The following ITGAV variants were observed in gnomAD, a reference collection of about 807,000 sequenced individuals.
The protein encoded by ITGAV is integrin alpha-V.
A neutral mutation model predicts 143.8 loss-of-function variants in ITGAV; 76 were observed. The ratio of observed to expected loss-of-function variants is 0.53; its 90% CI spans 0.44 to 0.64. The LOEUF (loss-of-function observed/expected upper bound fraction) is 0.64, where lower values mean the gene tolerates loss of function less well. ITGAV is among the 30% of genes least tolerant of loss of function. The pLI is 0.00. For synonymous variants in ITGAV, 453 were observed against 446.7 expected (o/e 1.01, Z -0.18); for missense variants, 1,193 against 1,274.7 (o/e 0.94, Z 0.98).
At chr2:186,645,735 A>G (rs896757419) in intron 12 of ITGAV, among the ~76,000 whole-genome samples, 2 of 152,104 alleles carry the variant, frequency 1.3e-5, no homozygotes, top group Non-Finnish European at 2.9e-5. Flanking sequence ...TGGGAGGCCG[A>G]GGTGTGTGGA....
At position 186,679,710 on chromosome 2, in the gene ITGAV, T is replaced by C. The variant is rs201407854; in HGVS notation, c.*2418T>C. ...TTGGTAAGAAATATTGATACTGATA[T>C]TGATTTTTATATAGGTATTTATTTC... On this transcript the variant is annotated 3_prime_UTR_variant, in exon 30 of 30. Coordinates refer to ENST00000261023, the MANE Select transcript of ITGAV (RefSeq NM_002210.5). 49 of 152,020 alleles carry C rather than the reference T, an allele frequency of 3.2e-4. No homozygotes were observed. Among genetic ancestry groups the C allele is most frequent in the African/African-American group, 1.1e-3 (46 of 41,448 alleles). 9.4% of individuals were successfully genotyped at this position (152,020 alleles called of 1,614,324 possible).
In ITGAV at chr2:186,590,100, A is replaced by C; in HGVS notation, c.-239A>C. The C allele has an allele frequency of 2.5e-6, 1 of 400,044 alleles. No individual in the cohort carries two copies. 24.8% of individuals were successfully genotyped at this position (400,044 alleles called of 1,614,324 possible). ...TGCGTGGAGCGGCGGAGCCGGAGGGAAGCAAAGGACCGTCTGCGCTGCTGT... is the reference window on the plus strand; with the variant it reads ...TGCGTGGAGCGGCGGAGCCGGAGGGCAGCAAAGGACCGTCTGCGCTGCTGT... On this transcript the variant is annotated 5_prime_UTR_variant, in exon 1 of 30. Coordinates refer to ENST00000261023, the MANE Select transcript of ITGAV (RefSeq NM_002210.5).
At chr2:186,592,325 G>A (rs1359845384) in intron 1 of ITGAV, among the ~76,000 whole-genome samples, 1 of 152,166 alleles carries the variant, frequency 6.6e-6, no homozygotes, top group Non-Finnish European at 1.5e-5. Context: ...TGTAATCCTC[G>A]CTCTGCGGGA....
chr2:186,597,854 A>G (rs4233788), intron 1 of ITGAV, among the ~76,000 whole-genome samples: 114,939 of 152,024 alleles, frequency 0.76, 43,474 homozygotes, highest in East Asian at 0.85. Flanking sequence ...AGAACCTAAT[A>G]CCTGGTGATC....
At chr2:186,641,105 A>G (rs961291932) in intron 11 of ITGAV, 138 bp downstream of exon 11, 2 of 743,024 alleles carry the variant, frequency 2.7e-6, no homozygotes, top group Non-Finnish European at 4.4e-6. Flanking sequence ...ATTTGAAGCA[A>G]CCTTAATCAT....
chr2:186,627,414 A>T (rs1157742954), intron 4 of ITGAV, among the ~76,000 whole-genome samples: 1 of 152,194 alleles, frequency 6.6e-6, no homozygotes, highest in Non-Finnish European at 1.5e-5. Flanking sequence ...CAGCTTTTCT[A>T]CAAAGAATAC....
rs1265271053 is a variant in ITGAV at position 186,677,557 on chromosome 2, GAC to G, written c.*267_*268del. The G allele has an allele frequency of 1.4e-5, 4 of 290,846 alleles. No individual in the cohort carries two copies. Among genetic ancestry groups the G allele is most frequent in the Non-Finnish European group, 6.5e-6 (1 of 154,166 alleles). 18.0% of individuals were successfully genotyped at this position (290,846 alleles called of 1,614,324 possible). Reference sequence around the variant, plus strand: ...GATAGTTTTTATTCAATGTATATAAGACAGGTAGTGCCTGATTTACTACTTTA... The same window carrying G: ...GATAGTTTTTATTCAATGTATATAAGAGGTAGTGCCTGATTTACTACTTTA... On this transcript the variant is annotated 3_prime_UTR_variant, in exon 30 of 30. Transcript: ENST00000261023.
At chr2:186,639,680 T>C (rs778009255) in intron 10 of ITGAV, among the ~76,000 whole-genome samples, 55 of 152,170 alleles carry the variant, frequency 3.6e-4, no homozygotes, top group Admixed American at 5.9e-4. Context: ...TGTTATTGCA[T>C]TGGATAAGGT....
chr2:186,672,045 G>T (rs2682871), intron 26 of ITGAV, among the ~76,000 whole-genome samples: 1 of 146,988 alleles, frequency 6.8e-6, no homozygotes, highest in Non-Finnish European at 1.5e-5. Context: ...TCCACCTCCC[G>T]GGTTCACGCC....
chr2:186,625,383 A>C, intron 3 of ITGAV, 90 bp from the exon 4 acceptor site: 1 of 741,146 alleles, frequency 1.3e-6, no homozygotes, highest in Non-Finnish European at 2.3e-6. Flanking sequence ...AAAAAGAGAA[A>C]GTGGTATTAT....
chr2:186,596,510 C>T (rs1022660725), intron 1 of ITGAV, among the ~76,000 whole-genome samples: 3 of 148,954 alleles, frequency 2.0e-5, no homozygotes, highest in Non-Finnish European at 4.4e-5. Context: ...AGTGCAGTGG[C>T]ACAATCTTGG....
At position 186,679,279 on chromosome 2, in the gene ITGAV, A is replaced by T. The variant is rs200160935; in HGVS notation, c.*1987A>T. 8 of 151,984 alleles carry T rather than the reference A, an allele frequency of 5.3e-5. No individual in the cohort carries two copies. Among genetic ancestry groups the T allele is most frequent in the African/African-American group, 1.9e-4 (8 of 41,448 alleles). The allele number at this position is 151,984 out of a possible 1,614,324, so 9.4% of individuals were successfully genotyped here. ...AAGTGTTAGAATTTGCTTTTGTGCCATCTATTCCTTTTATGGCATCTATCT... is the reference window on the plus strand; with the variant it reads ...AAGTGTTAGAATTTGCTTTTGTGCCTTCTATTCCTTTTATGGCATCTATCT... On this transcript the variant is annotated 3_prime_UTR_variant, in exon 30 of 30. Coordinates refer to ENST00000261023, the MANE Select transcript of ITGAV (RefSeq NM_002210.5).
intron 10 of ITGAV, among the ~76,000 whole-genome samples, chr2:186,640,612 G>A (rs1559054473): frequency 6.6e-6 from 1 of 152,096 alleles, no homozygotes; most frequent in African/African-American, 2.4e-5. Flanking sequence ...AGTAGGGTAG[G>A]CCTGAGAAGG....
At chr2:186,652,203 T>C in intron 15 of ITGAV, 114 bp downstream of exon 15, 2 of 671,478 alleles carry the variant, frequency 3.0e-6, no homozygotes, top group Non-Finnish European at 5.2e-6. Context: ...TTTCTGTGAG[T>C]ATACTGTTTT....
chr2:186,665,664 G>A (rs1574500458), intron 21 of ITGAV, among the ~76,000 whole-genome samples: 1 of 152,158 alleles, frequency 6.6e-6, no homozygotes, highest in Admixed American at 6.5e-5. Context: ...GGAGCAGGGT[G>A]CCCAGGAGCT....
intron 13 of ITGAV, among the ~76,000 whole-genome samples, 179 bp from the exon 14 acceptor site, chr2:186,649,661 T>C (rs1397519162): frequency 6.6e-6 from 1 of 152,238 alleles, no homozygotes; most frequent in Non-Finnish European, 1.5e-5. Context: ...CATTTTCCAC[T>C]GGTGGTAGTT....
intron 6 of ITGAV, 82 bp downstream of exon 6, chr2:186,633,456 C>T: frequency 1.4e-6 from 1 of 693,366 alleles, no homozygotes; most frequent in Non-Finnish European, 2.4e-6. Flanking sequence ...TGACATTTTA[C>T]AAATTATTTT....
In ITGAV at chr2:186,610,598, T is replaced by A. The variant is rs190177085; in HGVS notation, c.316+8447T>A. The stretch of plus-strand genomic sequence containing the variant: ...CTTTTCATCCAGTGACTCTTCATAA[T>A]TTATAGATTTTAAGCAAGGTCTGCA... On this transcript the variant is annotated intron_variant, in intron 2 of 29. Transcript: ENST00000261023. Among the ~76,000 whole-genome samples the A allele has an allele frequency of 4.8e-3, 737 of 152,328 alleles. 8 individuals are homozygous for A. The highest frequency in any genetic ancestry group is 0.017 in the African/African-American group (699 of 41,576).
chr2:186,672,301 TTTTG>T (rs1249455149), intron 26 of ITGAV, among the ~76,000 whole-genome samples: 2 of 152,216 alleles, frequency 1.3e-5, no homozygotes, highest in Non-Finnish European at 2.9e-5. Flanking sequence ...ACATACCACC[TTTTG>T]TTTATCTATT....
Sources: allele counts gnomAD v4.1 joint callset (sites outside exome capture counted in the v4.1 genomes callset), GRCh38; gene constraint gnomAD v4.1.1; transcripts MANE v1.5; gene names NCBI Gene and HGNC (gene_info 2026-07-23, HGNC 2026-07-21).